SRPK2: variants seen among roughly 807,000 people sequenced by gnomAD.
SRPK2 encodes SRSF protein kinase 2.
A neutral mutation model predicts 90.8 loss-of-function variants in SRPK2; 21 were observed. The ratio of observed to expected loss-of-function variants is 0.23; its 90% CI spans 0.16 to 0.33. The LOEUF (loss-of-function observed/expected upper bound fraction) is 0.33, where lower values mean the gene tolerates loss of function less well. Among genes scored for constraint, SRPK2 ranks in the 10% least tolerant of loss-of-function variants. SRPK2 has a pLI of 1.00. For synonymous variants in SRPK2, 288 were observed against 311.1 expected (o/e 0.93, Z 0.78); for missense variants, 620 against 869.0 (o/e 0.71, Z 3.60).
At chr7:105,279,493 C>T (rs935623197) in intron 2 of SRPK2, among the ~76,000 whole-genome samples, 2 of 152,132 alleles carry the variant, frequency 1.3e-5, no homozygotes, top group African/African-American at 4.8e-5. Context: ...CCTATTCCCC[C>T]TACCCCCAGG....
At chr7:105,391,800 T>G (rs140733295), upstream of SRPK2, among the ~76,000 whole-genome samples, 13 of 152,314 alleles carry the variant, frequency 8.5e-5, no homozygotes, top group East Asian at 2.5e-3. Flanking sequence ...ATGGAAACAG[T>G]CTGTTGGCTT....
At chr7:105,150,505 A>C (rs1226620608) in intron 7 of SRPK2, among the ~76,000 whole-genome samples, 1 of 152,210 alleles carries the variant, frequency 6.6e-6, no homozygotes, top group African/African-American at 2.4e-5. Context: ...GACAGAATAA[A>C]ACTCTGTCTA....
intron 7 of SRPK2, among the ~76,000 whole-genome samples, chr7:105,156,132 C>T (rs1016303601): frequency 3.3e-5 from 5 of 152,134 alleles, no homozygotes; most frequent in Admixed American, 2.0e-4. Flanking sequence ...CAGTACAATT[C>T]CAAACTTATT....
Position 105,117,611 on chromosome 7 carries a change from C to T in SRPK2, c.*227G>A, listed in dbSNP as rs1209721247. 3 of 543,816 alleles carry T rather than the reference C, an allele frequency of 5.5e-6. No homozygotes were observed. The highest frequency in any genetic ancestry group is 9.7e-6 in the Non-Finnish European group (3 of 310,488). 33.7% of individuals were successfully genotyped at this position (543,816 alleles called of 1,614,324 possible). A position where few individuals can be genotyped will look rare whatever the true frequency, so the allele number is the denominator to read the frequency against. ...ATGCTTAGAGACATGTTATTGTTTC[C>T]AGAAGAAAATGGTCAGTAAACTACT... On this transcript the variant is annotated 3_prime_UTR_variant, in exon 16 of 16. Coordinates refer to ENST00000393651, the MANE Select transcript of SRPK2 (RefSeq NM_182692.3).
intron 2 of SRPK2, among the ~76,000 whole-genome samples, chr7:105,374,942 A>C (rs1207928492): frequency 6.6e-6 from 1 of 152,160 alleles, no homozygotes; most frequent in Admixed American, 6.6e-5. Context: ...AATGTAAAAT[A>C]AGGAAAGCAG....
chr7:105,323,967 T>TGTGTGTGTGTGTGTGTG (rs1813232169), intron 2 of SRPK2, among the ~76,000 whole-genome samples: 5 of 133,898 alleles, frequency 3.7e-5, no homozygotes, highest in African/African-American at 1.4e-4. Context: ...AGACTATTCT[T>TGTGTGTGTGTGTGTGTG]TGTGTGTGTG....
intron 2 of SRPK2, 82 bp from the exon 3 acceptor site, chr7:105,203,867 G>C: frequency 1.4e-6 from 2 of 1,475,598 alleles, no homozygotes; most frequent in Non-Finnish European, 1.8e-6. Context: ...CTTAATATGG[G>C]GGAAAAAATA....
At chr7:105,245,661 C>T (rs1318169561) in intron 2 of SRPK2, among the ~76,000 whole-genome samples, 3 of 152,010 alleles carry the variant, frequency 2.0e-5, no homozygotes, top group Non-Finnish European at 2.9e-5. Context: ...ATACAGACTA[C>T]GGGGGAAAAT....
At chr7:105,150,575 A>T (rs1805498270) in intron 7 of SRPK2, among the ~76,000 whole-genome samples, 1 of 152,218 alleles carries the variant, frequency 6.6e-6, no homozygotes, top group Non-Finnish European at 1.5e-5. Context: ...GAAAGATAAC[A>T]TGATGTAAAA....
At chr7:105,271,768 G>A (rs982773763) in intron 2 of SRPK2, among the ~76,000 whole-genome samples, 4 of 152,010 alleles carry the variant, frequency 2.6e-5, no homozygotes, top group African/African-American at 4.8e-5. Context: ...TACACACACC[G>A]CAAACACTTT....
intron 2 of SRPK2, among the ~76,000 whole-genome samples, chr7:105,329,001 C>T (rs1007548415): frequency 2.0e-5 from 3 of 151,832 alleles, no homozygotes; most frequent in East Asian, 1.9e-4. Context: ...GGCAACATAG[C>T]GAAACCCCAT....
chr7:105,353,424 T>C (rs1817432574), intron 2 of SRPK2, among the ~76,000 whole-genome samples: 1 of 152,098 alleles, frequency 6.6e-6, no homozygotes, highest in South Asian at 2.1e-4. Context: ...ACTGCAGCCT[T>C]GACCTCCTGG....
At chr7:105,327,067 CAAAAAA>C (rs11350866) in intron 2 of SRPK2, among the ~76,000 whole-genome samples, 1,818 of 123,318 alleles carry the variant, frequency 0.015, 19 homozygotes, top group African/African-American at 0.035. Context: ...AACTCCGTAT[CAAAAAA>C]AAAAAAAAAA....
chr7:105,374,729 G>A (rs142226001), intron 2 of SRPK2, among the ~76,000 whole-genome samples: 2,660 of 152,050 alleles, frequency 0.017, 28 homozygotes, highest in Non-Finnish European at 0.025. Flanking sequence ...CCTCGCCTAC[G>A]GAGGAGCTGG....
At chr7:105,345,222 C>T (rs575505667) in intron 2 of SRPK2, among the ~76,000 whole-genome samples, 1 of 151,550 alleles carries the variant, frequency 6.6e-6, no homozygotes, top group South Asian at 2.1e-4. Flanking sequence ...GGAAAGGAAA[C>T]TTGCTTATCT....
At chr7:105,332,710 A>T (rs1814575714) in intron 2 of SRPK2, 1 of 152,078 alleles carries the variant, frequency 6.6e-6, no homozygotes. Flanking sequence ...GGTTGCAGTG[A>T]GCACATATCA....
chr7:105,146,125 C>G (rs1804593067), intron 8 of SRPK2, among the ~76,000 whole-genome samples: 1 of 152,152 alleles, frequency 6.6e-6, no homozygotes. Flanking sequence ...AAATGGACAA[C>G]AAGAATTTAT....
chr7:105,372,947 G>C (rs1200675587), intron 2 of SRPK2, among the ~76,000 whole-genome samples: 3 of 152,076 alleles, frequency 2.0e-5, no homozygotes, highest in Non-Finnish European at 4.4e-5. Context: ...AAATTAGCTG[G>C]GCATGGTGTC....
At chr7:105,229,663 G>A (rs972651543) in intron 2 of SRPK2, among the ~76,000 whole-genome samples, 2 of 152,216 alleles carry the variant, frequency 1.3e-5, no homozygotes, top group African/African-American at 2.4e-5. Flanking sequence ...CTATCATAGA[G>A]TAGGAATAAG....
Sources: allele counts gnomAD v4.1 joint callset (sites outside exome capture counted in the v4.1 genomes callset), GRCh38; gene constraint gnomAD v4.1.1; transcripts MANE v1.5; gene names NCBI Gene and HGNC (gene_info 2026-07-23, HGNC 2026-07-21).